LSR: variants seen among roughly 807,000 people sequenced by gnomAD.
LSR encodes lipolysis stimulated lipoprotein receptor.
LSR carries 44 observed loss-of-function variants against 61.8 expected under a neutral mutation model. The observed-to-expected ratio is 0.71, with a 90% CI of 0.56 to 0.91. The LOEUF (loss-of-function observed/expected upper bound fraction) is 0.91, where lower values mean the gene tolerates loss of function less well. Among genes scored for constraint, LSR ranks in the 40% least tolerant of loss-of-function variants. LSR has a pLI of 0.00. For missense variants in LSR, 911 were observed against 830.5 expected, an observed-to-expected ratio of 1.10 and a Z score of -1.19; for synonymous variants, 397 against 350.6, an observed-to-expected ratio of 1.13 and a Z score of -1.48.
chr19:35,260,691 G>T (rs1304884678), intron 3 of LSR, among the ~76,000 whole-genome samples: 1 of 152,082 alleles, frequency 6.6e-6, no homozygotes, highest in East Asian at 1.9e-4. Context: ...ACCAGGCATG[G>T]TGGCATGCAC....
chr19:35,262,401 A>G, intron 4 of LSR, 145 bp from the exon 5 acceptor site: 1 of 935,930 alleles, frequency 1.1e-6, no homozygotes, highest in Non-Finnish European at 1.7e-6. Context: ...TGGCACAAAA[A>G]ATCCAGCCAG....
At chr19:35,250,256 C>T (rs2145488124) in intron 1 of LSR, 59 bp from the exon 2 acceptor site, 2 of 1,186,950 alleles carry the variant, frequency 1.7e-6, no homozygotes, top group South Asian at 3.3e-5. Context: ...GGTGGCGTTC[C>T]TGTTGAAGCA....
intron 5 of LSR, among the ~76,000 whole-genome samples, chr19:35,265,134 A>T (rs2065980133): frequency 6.6e-6 from 1 of 152,216 alleles, no homozygotes; most frequent in South Asian, 2.1e-4. Flanking sequence ...AGGCTTATGC[A>T]GGCCATCCCA....
chr19:35,262,239 C>T (rs546078402), intron 4 of LSR, among the ~76,000 whole-genome samples: 2 of 152,290 alleles, frequency 1.3e-5, no homozygotes, highest in South Asian at 4.1e-4. Context: ...GGCGTCTGGG[C>T]AGCTGGCTCT....
chr19:35,263,191 G>C (rs2065953099), intron 5 of LSR: 1 of 152,508 alleles, frequency 6.6e-6, no homozygotes, highest in Admixed American at 6.5e-5. Flanking sequence ...TGAGGCATGA[G>C]AATCGCTTAA....
chr19:35,262,885 T>G (rs2065949103), intron 5 of LSR, 193 bp downstream of exon 5: 1 of 617,460 alleles, frequency 1.6e-6, no homozygotes, highest in Non-Finnish European at 2.8e-6. Flanking sequence ...TAGTTTATTT[T>G]TATTTATGTT....
intron 3 of LSR, among the ~76,000 whole-genome samples, chr19:35,260,755 A>G (rs1439825872): frequency 1.3e-5 from 2 of 152,046 alleles, no homozygotes; most frequent in Non-Finnish European, 2.9e-5. Flanking sequence ...TGCACCCAGG[A>G]GGTCAAGGCT....
rs531880996 is a variant in LSR, at chr19:35,262,780, T to C, written c.778+88T>C. On this transcript the variant is annotated intron_variant, in intron 5 of 9. Coordinates refer to ENST00000605618, the MANE Select transcript of LSR (RefSeq NM_205834.4). ...GGCCATCCACCTGCCCCCAGGACAGTGGCGTTGGTCTGGAGGGTGTGAATT... is the reference window on the plus strand; with the variant it reads ...GGCCATCCACCTGCCCCCAGGACAGCGGCGTTGGTCTGGAGGGTGTGAATT... 1.0e-3 allele frequency: 1,539 copies of C among 1,524,468 alleles called. 3 individuals carry two copies. Among genetic ancestry groups the C allele is most frequent in the Middle Eastern group, 5.2e-3 (24 of 4,636 alleles). The allele number at this position is 1,524,468 out of a possible 1,614,324, so 94.4% of individuals were successfully genotyped here.
At chr19:35,254,525 A>G (rs1278298695) in intron 2 of LSR, among the ~76,000 whole-genome samples, 1 of 152,188 alleles carries the variant, frequency 6.6e-6, no homozygotes, top group Non-Finnish European at 1.5e-5. Flanking sequence ...CAGCACCTGG[A>G]CAGGAGGCCC....
intron 2 of LSR, among the ~76,000 whole-genome samples, chr19:35,250,910 C>T (rs2065785946): frequency 1.3e-5 from 2 of 151,886 alleles, no homozygotes; most frequent in African/African-American, 4.8e-5. Context: ...ATTCTCTTGC[C>T]TCAGCCTCCC....
Position 35,261,917 on chromosome 19 carries a change from C to T in LSR, c.575-8C>T. The stretch of plus-strand genomic sequence containing the variant: ...CCAGCATAATCTGTTTCTCTTTTGT[C>T]CCTCCAGGGAGGACCTCAGGGGTGG... On this transcript the variant is annotated splice_region_variant and splice_polypyrimidine_tract_variant and intron_variant, in intron 3 of 9. Transcript: ENST00000605618. The T allele has an allele frequency of 6.9e-7, 1 of 1,451,934 alleles. No homozygotes were observed. Among genetic ancestry groups the T allele is most frequent in the South Asian group, 1.6e-5 (1 of 64,390 alleles). The allele number at this position is 1,451,934 out of a possible 1,614,324, so 89.9% of individuals were successfully genotyped here. A position where few individuals can be genotyped will look rare whatever the true frequency, so the allele number is the denominator to read the frequency against.
Position 35,252,086 on chromosome 19 carries a change from G to A in LSR, c.454+1427G>A, listed in dbSNP as rs572904185. Among the ~76,000 whole-genome samples, 32 of 151,516 alleles carry A rather than the reference G, an allele frequency of 2.1e-4. 1 individual carries two copies. The highest frequency in any genetic ancestry group is 6.8e-3 in the Middle Eastern group (2 of 292). ...CCTGACCTCGTGATCCGCCCGCCTCGGCCTCCCAAAGTGCTGGGATTACAG... is the reference window on the plus strand; with the variant it reads ...CCTGACCTCGTGATCCGCCCGCCTCAGCCTCCCAAAGTGCTGGGATTACAG... On this transcript the variant is annotated intron_variant, in intron 2 of 9. Coordinates refer to ENST00000605618, the MANE Select transcript of LSR (RefSeq NM_205834.4).
intron 3 of LSR, among the ~76,000 whole-genome samples, chr19:35,261,347 T>C (rs1322861801): frequency 6.6e-6 from 1 of 152,256 alleles, no homozygotes; most frequent in Non-Finnish European, 1.5e-5. Context: ...TATTCCTGTA[T>C]ATTGTGTTAA....
rs2065774365 is a variant in LSR at position 35,250,315 on chromosome 19, C to T, written c.110C>T (p.Ala37Val). Residue 37 changes from alanine (A) to valine (V), a missense_variant and splice_region_variant, in exon 2 of 10, where the codon GCT becomes GTT. Physicochemically the swap from Ala to Val is moderately conservative, Grantham distance 64. Coordinates refer to ENST00000605618, the MANE Select transcript of LSR (RefSeq NM_205834.4). ...TTGCTGTCTCTCCTCTTGCCCTCAG[C>T]TCCTGCCAGGGCCATCCAGGTGACC... ...VWLLLSTWCT[A>V]PARAIQVTVS... is the part of the protein sequence containing the mutation. 6.5e-7 allele frequency: 1 copy of T among 1,532,418 alleles called. No individual in the cohort carries two copies. The highest frequency in any genetic ancestry group is 8.8e-7 in the Non-Finnish European group (1 of 1,132,920). The allele number at this position is 1,532,418 out of a possible 1,614,324, so 94.9% of individuals were successfully genotyped here.
Position 35,267,234 on chromosome 19 carries a change from G to C in LSR, c.1270G>C (p.Asp424His). ...GHSPRSPRGW[D>H]QEPAREQAGG... is the part of the protein sequence containing the mutation. ...CTCCCCCCGGAGTCCCAGGGGATGG[G>C]ACCAGGAGCCCGCCAGGGAGCAGGC... The change falls in exon 9 of 10, where the codon GAC (aspartate) becomes CAC (histidine). Residue 424 changes from aspartate to histidine, a missense_variant. Transcript: ENST00000605618. The C allele has an allele frequency of 1.3e-6, 2 of 1,533,628 alleles. No individual in the cohort carries two copies. The highest frequency in any genetic ancestry group is 2.1e-4 in the Middle Eastern group (1 of 4,810).
rs201506896 is a variant in LSR, at chr19:35,267,134, C to T, written c.1170C>T (p.His390=). 6 of 1,529,426 alleles carry T rather than the reference C, an allele frequency of 3.9e-6. No individual in the cohort carries two copies. In the Admixed American group the frequency reaches 8.8e-5, roughly 22 times the overall value. 94.7% of individuals were successfully genotyped at this position (1,529,426 alleles called of 1,614,324 possible). The change falls in exon 9 of 10, where the codon CAC becomes CAT. Residue 390 remains histidine, a synonymous_variant. Coordinates refer to ENST00000605618, the MANE Select transcript of LSR (RefSeq NM_205834.4). The stretch of plus-strand genomic sequence containing the variant: ...CCATGAGTGAAGTCACCTCCCTCCA[C>T]GAGGACGACTGGCGATCTCGGCCTT... ...ERAMSEVTSL[H]EDDWRSRPSR... is the part of the protein sequence containing the mutation.
At chr19:35,266,065 C>T (rs545119889) in intron 5 of LSR, among the ~76,000 whole-genome samples, 4 of 152,340 alleles carry the variant, frequency 2.6e-5, no homozygotes, top group East Asian at 3.9e-4. Flanking sequence ...AATTACCATG[C>T]TGTTAAATGA....
intron 2 of LSR, among the ~76,000 whole-genome samples, chr19:35,254,229 G>A (rs2065829682): frequency 6.6e-6 from 1 of 152,162 alleles, no homozygotes; most frequent in Admixed American, 6.5e-5. Context: ...GAGTAGCTGG[G>A]ATTACAGGTG....
At position 35,267,288 on chromosome 19, in the gene LSR, C is replaced by G; in HGVS notation, c.1324C>G (p.Arg442Gly). 2.0e-6 allele frequency: 3 copies of G among 1,523,226 alleles called. No homozygotes were observed. Among genetic ancestry groups the G allele is most frequent in the Non-Finnish European group, 2.6e-6 (3 of 1,133,728 alleles). 94.4% of individuals were successfully genotyped at this position (1,523,226 alleles called of 1,614,324 possible). ...AGGGWRARRP[R>G]ARSVDALDDL... The stretch of plus-strand genomic sequence containing the variant: ...CGGGGGCTGGCGGGCCAGGCGGCCC[C>G]GGGCCCGCTCCGTGGACGCCCTGGA... Residue 442 changes from arginine (R) to glycine (G), a missense_variant, in exon 9 of 10, where the codon CGG becomes GGG. Coordinates refer to ENST00000605618, the MANE Select transcript of LSR (RefSeq NM_205834.4).
Sources: allele counts gnomAD v4.1 joint callset (sites outside exome capture counted in the v4.1 genomes callset), GRCh38; gene constraint gnomAD v4.1.1; transcripts MANE v1.5; gene names NCBI Gene and HGNC (gene_info 2026-07-23, HGNC 2026-07-21).